The following NRCAM variants were observed in gnomAD, a reference collection of about 807,000 sequenced individuals.
The protein encoded by NRCAM is neuronal cell adhesion molecule.
Under a neutral mutation model 156.5 loss-of-function variants are expected in NRCAM, and 83 were observed. The ratio of observed to expected loss-of-function variants is 0.53; its 90% CI spans 0.44 to 0.64. The LOEUF (loss-of-function observed/expected upper bound fraction) is 0.64, where lower values mean the gene tolerates loss of function less well. NRCAM is among the 30% of genes least tolerant of loss of function. The pLI is 0.00. For missense variants in NRCAM, 1,417 were observed against 1,597.3 expected (o/e 0.89, Z 1.92); for synonymous variants, 538 against 563.9 (o/e 0.95, Z 0.65).
At chr7:108,177,487 G>A (rs915868203) in intron 26 of NRCAM, among the ~76,000 whole-genome samples, 1 of 152,022 alleles carries the variant, frequency 6.6e-6, no homozygotes, top group Admixed American at 6.6e-5. Flanking sequence ...GCCGGGCATG[G>A]TGGTGGGCGT....
Position 108,257,014 on chromosome 7 carries a change from A to AAAAAAG in NRCAM, c.-106-16850_-106-16845dup, listed in dbSNP as rs796271704. Among the ~76,000 whole-genome samples, 72 of 137,152 alleles carry AAAAAAG rather than the reference A, an allele frequency of 5.2e-4. 3 individuals are homozygous for AAAAAAG. In the South Asian group the frequency reaches 0.012, roughly 24 times the overall value. The allele number at this position is 137,152 out of a possible 152,430, so 90.0% of individuals were successfully genotyped here. A position where few individuals can be genotyped will look rare whatever the true frequency, so the allele number is the denominator to read the frequency against. ...GCAAAGGAAGACTGTCGAAAAAAAA[A>AAAAAAG]AAAAAGAAAAAGAAAAAGAAAAAGA... On this transcript the variant is annotated intron_variant, in intron 3 of 32. Transcript: ENST00000379028.
intron 1 of NRCAM, among the ~76,000 whole-genome samples, chr7:108,455,966 G>A (rs1424068594): frequency 6.6e-6 from 1 of 152,206 alleles, no homozygotes. Flanking sequence ...GGGGTGGTGG[G>A]TGCCGGCGCT....
At chr7:108,288,799 T>C (rs1235985209) in intron 3 of NRCAM, among the ~76,000 whole-genome samples, 2 of 152,150 alleles carry the variant, frequency 1.3e-5, no homozygotes, top group African/African-American at 4.8e-5. Context: ...ACTAACCATA[T>C]AGACCATCAC....
intron 2 of NRCAM, among the ~76,000 whole-genome samples, chr7:108,367,840 A>G (rs1270638485): frequency 6.6e-6 from 1 of 152,226 alleles, no homozygotes; most frequent in African/African-American, 2.4e-5. Context: ...TAATCCACTT[A>G]AAACAAATAT....
At chr7:108,334,313 A>C (rs907968650) in intron 2 of NRCAM, among the ~76,000 whole-genome samples, 5 of 152,236 alleles carry the variant, frequency 3.3e-5, no homozygotes, top group African/African-American at 1.2e-4. Flanking sequence ...AAGACATGAT[A>C]ATCTTCCCAA....
chr7:108,424,609 T>A (rs1246941229), intron 1 of NRCAM, among the ~76,000 whole-genome samples: 1 of 152,062 alleles, frequency 6.6e-6, no homozygotes, highest in Non-Finnish European at 1.5e-5. Flanking sequence ...AAACTGAATG[T>A]AGGTTAGTCC....
intron 2 of NRCAM, among the ~76,000 whole-genome samples, chr7:108,348,418 A>T (rs561317208): frequency 3.9e-5 from 6 of 152,256 alleles, no homozygotes; most frequent in African/African-American, 1.2e-4. Context: ...CCAAGTAAGG[A>T]GATTGGCTGT....
At chr7:108,187,856 G>C (rs1011190283) in intron 20 of NRCAM, among the ~76,000 whole-genome samples, 4 of 152,152 alleles carry the variant, frequency 2.6e-5, no homozygotes, top group African/African-American at 9.7e-5. Flanking sequence ...TCGGGAAGCT[G>C]AGGCAGGAGA....
chr7:108,327,587 C>T (rs2099082860), intron 2 of NRCAM, among the ~76,000 whole-genome samples: 1 of 152,112 alleles, frequency 6.6e-6, no homozygotes, highest in Admixed American at 6.6e-5. Context: ...TATAATCACA[C>T]CATGTTTCAT....
chr7:108,348,375 TGTGAGGGAGGA>T (rs1329996255), intron 2 of NRCAM, among the ~76,000 whole-genome samples: 1 of 152,042 alleles, frequency 6.6e-6, no homozygotes, highest in Non-Finnish European at 1.5e-5. Flanking sequence ...GCCTGGGGGT[TGTGAGGGAGGA>T]GTCAGAAATA....
intron 3 of NRCAM, among the ~76,000 whole-genome samples, chr7:108,256,878 G>A (rs2096690148): frequency 6.6e-6 from 1 of 151,792 alleles, no homozygotes; most frequent in African/African-American, 2.4e-5. Flanking sequence ...GTGTGGTAGT[G>A]CACGCCTATA....
In NRCAM at chr7:108,149,399, G is replaced by C. The variant is rs1487618487; in HGVS notation, c.*511C>G. ...ACTGTTCCTAACAGTCTCCCAAAAA[G>C]ACTAACGACAGCTATACATAGTCAC... On this transcript the variant is annotated 3_prime_UTR_variant, in exon 33 of 33. Coordinates refer to ENST00000379028, the MANE Select transcript of NRCAM (RefSeq NM_001037132.4). 1 of 157,082 alleles carries C rather than the reference G, an allele frequency of 6.4e-6. No individual in the cohort carries two copies. Among genetic ancestry groups the C allele is most frequent in the Non-Finnish European group, 1.4e-5 (1 of 70,956 alleles). The allele number at this position is 157,082 out of a possible 1,614,324, so 9.7% of individuals were successfully genotyped here.
intron 32 of NRCAM, chr7:108,150,766 G>A (rs2040987961): frequency 1.9e-6 from 1 of 530,008 alleles, no homozygotes; most frequent in Admixed American, 2.0e-5. Context: ...AAGAAGAAAA[G>A]CAAAATCCTT....
chr7:108,456,135 G>C (rs1364446356), intron 1 of NRCAM, 108 bp downstream of exon 1: 2 of 152,506 alleles, frequency 1.3e-5, no homozygotes, highest in Non-Finnish European at 2.9e-5. Context: ...TGAACCCCGC[G>C]GCGGTGTCCA....
At chr7:108,309,101 G>A (rs1235907303) in intron 3 of NRCAM, among the ~76,000 whole-genome samples, 2 of 152,288 alleles carry the variant, frequency 1.3e-5, no homozygotes, top group Non-Finnish European at 1.5e-5. Context: ...CAGCTTCCAG[G>A]AATGCTGCAT....
At chr7:108,402,524 A>C (rs2099795694) in intron 1 of NRCAM, among the ~76,000 whole-genome samples, 1 of 152,198 alleles carries the variant, frequency 6.6e-6, no homozygotes, top group African/African-American at 2.4e-5. Flanking sequence ...AAATAAAAAC[A>C]CAATTTTGGG....
intron 2 of NRCAM, among the ~76,000 whole-genome samples, chr7:108,386,694 T>C (rs1487620063): frequency 6.6e-6 from 1 of 152,194 alleles, no homozygotes; most frequent in East Asian, 1.9e-4. Context: ...AGAAGACCTG[T>C]TGTTATATGT....
intron 2 of NRCAM, among the ~76,000 whole-genome samples, chr7:108,324,334 T>C (rs2099039718): frequency 6.6e-6 from 1 of 152,208 alleles, no homozygotes; most frequent in African/African-American, 2.4e-5. Flanking sequence ...TCTCTAACTG[T>C]GGTTTCTTAT....
At chr7:108,154,837 AT>A (rs963181089) in intron 32 of NRCAM, among the ~76,000 whole-genome samples, 3 of 151,290 alleles carry the variant, frequency 2.0e-5, no homozygotes, top group South Asian at 2.1e-4. Flanking sequence ...CTTCAGAGAG[AT>A]TTTTTTTTCC....
Sources: gnomAD v4.1 joint callset for allele counts (sites outside exome capture counted in the v4.1 genomes callset) on GRCh38, gnomAD v4.1.1 for gene constraint, MANE v1.5 for transcripts, NCBI Gene and HGNC (gene_info 2026-07-23, HGNC 2026-07-21) for gene names.